The following LIN7A variants were observed in gnomAD, a reference collection of about 807,000 sequenced individuals.
The protein encoded by LIN7A is protein lin-7 homolog A.
A neutral mutation model predicts 29.8 loss-of-function variants in LIN7A; 25 were observed. That is an observed-to-expected ratio of 0.84 (90% CI 0.61 to 1.17). The LOEUF (loss-of-function observed/expected upper bound fraction) is 1.17. LIN7A is among the 50% of genes most tolerant of loss of function. The probability of loss-of-function intolerance (pLI) is 0.00; values close to 1 mark genes in which losing one functional copy is unlikely to be tolerated. For missense variants in LIN7A, 239 were observed against 287.0 expected, an observed-to-expected ratio of 0.83 and a Z score of 1.21; for synonymous variants, 118 against 107.5, an observed-to-expected ratio of 1.10 and a Z score of -0.60.
At chr12:80,880,792 C>T (rs1485635689) in intron 2 of LIN7A, among the ~76,000 whole-genome samples, 2 of 151,590 alleles carry the variant, frequency 1.3e-5, no homozygotes, top group African/African-American at 4.8e-5. Flanking sequence ...CACACAGACA[C>T]ACACACACAC....
At chr12:80,844,231 A>C (rs1348823768) in intron 4 of LIN7A, among the ~76,000 whole-genome samples, 2 of 152,130 alleles carry the variant, frequency 1.3e-5, no homozygotes, top group African/African-American at 4.8e-5. Context: ...AGTCACAGTT[A>C]TCTAAAGGTC....
chr12:80,924,562 G>A (rs1053941856), intron 1 of LIN7A, among the ~76,000 whole-genome samples: 2 of 152,168 alleles, frequency 1.3e-5, no homozygotes, highest in Non-Finnish European at 2.9e-5. Context: ...GTACAGAAAG[G>A]ATAGTAGCAG....
chr12:80,927,162 T>TC (rs1469369781), intron 1 of LIN7A, among the ~76,000 whole-genome samples: 2 of 125,130 alleles, frequency 1.6e-5, no homozygotes, highest in South Asian at 5.6e-4. Context: ...TTTCTTTTTT[T>TC]TTTTTTTTTT....
intron 1 of LIN7A, chr12:80,936,362 G>T (rs2120985791): frequency 1.3e-5 from 2 of 152,400 alleles, no homozygotes; most frequent in Middle Eastern, 3.4e-3. Context: ...TTGCGTTAAA[G>T]TCACCCACAG....
intron 5 of LIN7A, among the ~76,000 whole-genome samples, chr12:80,807,216 C>T (rs996025662): frequency 1.3e-5 from 2 of 151,668 alleles, no homozygotes; most frequent in Non-Finnish European, 2.9e-5. Flanking sequence ...GGACTACAGG[C>T]GCCCGCCACC....
intron 4 of LIN7A, among the ~76,000 whole-genome samples, chr12:80,825,936 C>T (rs753958393): frequency 6.6e-6 from 1 of 152,114 alleles, no homozygotes; most frequent in African/African-American, 2.4e-5. Flanking sequence ...GGAAATACAG[C>T]AAATCTGGGC....
intron 1 of LIN7A, among the ~76,000 whole-genome samples, chr12:80,931,473 T>G (rs896933601): frequency 6.6e-6 from 1 of 152,006 alleles, no homozygotes; most frequent in Non-Finnish European, 1.5e-5. Flanking sequence ...AAAACCCGTC[T>G]CTATTAAAAA....
chr12:80,807,597 A>G (rs1871106530), intron 5 of LIN7A, among the ~76,000 whole-genome samples: 2 of 152,358 alleles, frequency 1.3e-5, no homozygotes, highest in South Asian at 2.1e-4. Flanking sequence ...GAGAATTGGT[A>G]TAAGTCTATA....
intron 1 of LIN7A, chr12:80,935,883 C>A (rs538871190): frequency 4.8e-6 from 2 of 419,850 alleles, no homozygotes; most frequent in Non-Finnish European, 1.1e-5. Context: ...TCTCATCAAC[C>A]GACTGAGGCA....
intron 1 of LIN7A, among the ~76,000 whole-genome samples, chr12:80,896,467 T>G (rs1264747453): frequency 6.6e-6 from 1 of 152,236 alleles, no homozygotes; most frequent in African/African-American, 2.4e-5. Context: ...TAAATAATGC[T>G]TTGTACTTCT....
intron 4 of LIN7A, among the ~76,000 whole-genome samples, chr12:80,828,599 A>G (rs980076970): frequency 2.0e-5 from 3 of 152,194 alleles, no homozygotes; most frequent in Non-Finnish European, 4.4e-5. Flanking sequence ...GTGACTTCTC[A>G]TAACAACACT....
chr12:80,854,705 C>A (rs184169042), intron 2 of LIN7A, among the ~76,000 whole-genome samples: 1 of 151,870 alleles, frequency 6.6e-6, no homozygotes, highest in Non-Finnish European at 1.5e-5. Flanking sequence ...GTGATTATTA[C>A]AGCTCTTAGA....
chr12:80,900,421 A>T (rs1231829268), intron 1 of LIN7A, among the ~76,000 whole-genome samples: 1 of 152,156 alleles, frequency 6.6e-6, no homozygotes, highest in Admixed American at 6.5e-5. Context: ...ATTCCCTCTT[A>T]ACACTGCTTT....
Position 80,796,660 on chromosome 12 carries a change from G to A in LIN7A, c.*1067C>T, listed in dbSNP as rs530358087. ...CCAAAAATATCTGGTTTATATTTGG[G>A]GAAATTGACCTAAACTTTGTGTGAC... On this transcript the variant is annotated 3_prime_UTR_variant, in exon 6 of 6. Transcript: ENST00000552864. 2 of 152,052 alleles carry A rather than the reference G, an allele frequency of 1.3e-5. No individual in the cohort carries two copies. Among genetic ancestry groups the A allele is most frequent in the African/African-American group, 2.4e-5 (1 of 41,480 alleles). The allele number at this position is 152,052 out of a possible 1,614,324, so 9.4% of individuals were successfully genotyped here. A position where few individuals can be genotyped will look rare whatever the true frequency, so the allele number is the denominator to read the frequency against.
At chr12:80,927,599 C>T (rs960327597) in intron 1 of LIN7A, among the ~76,000 whole-genome samples, 1 of 152,156 alleles carries the variant, frequency 6.6e-6, no homozygotes, top group Non-Finnish European at 1.5e-5. Flanking sequence ...TGGCATTTAG[C>T]TCCTGGGAAC....
chr12:80,811,417 G>GTGTGTGTA (rs1565885890), intron 5 of LIN7A, 48 bp downstream of exon 5: 436 of 658,248 alleles, frequency 6.6e-4, no homozygotes, highest in East Asian at 2.0e-3. Flanking sequence ...ATATGTGTGT[G>GTGTGTGTA]TGTATATATA....
chr12:80,821,104 T>A (rs184674551), intron 4 of LIN7A, among the ~76,000 whole-genome samples: 2 of 152,130 alleles, frequency 1.3e-5, no homozygotes, highest in African/African-American at 4.8e-5. Context: ...TGCAAATACA[T>A]CTTAGCCACT....
chr12:80,890,556 T>C lies in LIN7A; in HGVS notation c.83-1187A>G, dbSNP rs1006972818. Reference sequence around the variant, plus strand: ...AATTGTTAGCACCTCAGAATCTGGGTGGGGTTAGCATAGGTGTAAGTATCT... The same window carrying C: ...AATTGTTAGCACCTCAGAATCTGGGCGGGGTTAGCATAGGTGTAAGTATCT... On this transcript the variant is annotated intron_variant, in intron 1 of 5. Transcript: ENST00000552864. Among the ~76,000 whole-genome samples the C allele has an allele frequency of 3.9e-5, 6 of 152,086 alleles. No individual in the cohort carries two copies. In the East Asian group the frequency reaches 1.2e-3, roughly 29 times the overall value.
At chr12:80,803,827 A>G (rs1274004506) in intron 5 of LIN7A, among the ~76,000 whole-genome samples, 1 of 152,206 alleles carries the variant, frequency 6.6e-6, no homozygotes, top group Non-Finnish European at 1.5e-5. Flanking sequence ...ATGGGGTACT[A>G]TTTTAAAGGT....
Sources: allele counts gnomAD v4.1 joint callset (sites outside exome capture counted in the v4.1 genomes callset), GRCh38; gene constraint gnomAD v4.1.1; transcripts MANE v1.5; gene names NCBI Gene and HGNC (gene_info 2026-07-23, HGNC 2026-07-21).